Variants in UGGT2 observed in about 807,000 individuals in gnomAD.
The protein encoded by UGGT2 is UDP-glucose:glycoprotein glucosyltransferase 2.
A neutral mutation model predicts 192.1 loss-of-function variants in UGGT2; 180 were observed. The observed-to-expected ratio is 0.94, with a 90% CI of 0.83 to 1.06. UGGT2 has a LOEUF of 1.06. UGGT2 is among the 50% of genes least tolerant of loss of function. The pLI is 0.00. For synonymous variants in UGGT2, 580 were observed against 591.0 expected, an observed-to-expected ratio of 0.98 and a Z score of 0.27; for missense variants, 1,849 against 1,795.7, an observed-to-expected ratio of 1.03 and a Z score of -0.54.
At chr13:95,955,200 T>C (rs2050177448) in intron 12 of UGGT2, among the ~76,000 whole-genome samples, 1 of 152,256 alleles carries the variant, frequency 6.6e-6, no homozygotes, top group South Asian at 2.1e-4. Flanking sequence ...TTCCTATTTT[T>C]AATTATGAAT....
intron 3 of UGGT2, 104 bp downstream of exon 3, chr13:96,023,525 T>G (rs1057408495): frequency 4.5e-5 from 57 of 1,255,046 alleles, no homozygotes; most frequent in Non-Finnish European, 5.6e-5. Context: ...GAACCAACTA[T>G]AAACTTGTAG....
At chr13:96,022,985 A>G in intron 4 of UGGT2, 55 bp downstream of exon 4, 1 of 1,296,168 alleles carries the variant, frequency 7.7e-7, no homozygotes, top group Non-Finnish European at 1.0e-6. Flanking sequence ...AGTTTCTGCT[A>G]TTGAACTCTC....
At chr13:95,953,056 T>A (rs929819694) in intron 12 of UGGT2, among the ~76,000 whole-genome samples, 11 of 152,216 alleles carry the variant, frequency 7.2e-5, no homozygotes, top group African/African-American at 2.7e-4. Flanking sequence ...ATTCTTAACA[T>A]TACTTTGGGC....
intron 1 of UGGT2, among the ~76,000 whole-genome samples, chr13:96,049,971 A>G (rs184050926): frequency 6.6e-6 from 1 of 152,340 alleles, no homozygotes; most frequent in Non-Finnish European, 1.5e-5. Context: ...CAAAATTGGA[A>G]AAAACTACTT....
intron 27 of UGGT2, 101 bp downstream of exon 27, chr13:95,884,390 G>A: frequency 1.1e-6 from 1 of 927,626 alleles, no homozygotes; most frequent in African/African-American, 1.7e-5. Context: ...GAATATTCTG[G>A]TAAACATTCA....
intron 14 of UGGT2, among the ~76,000 whole-genome samples, 190 bp from the exon 15 acceptor site, chr13:95,947,362 A>G (rs1365689704): frequency 6.6e-6 from 1 of 152,144 alleles, no homozygotes; most frequent in Non-Finnish European, 1.5e-5. Context: ...TAGCTACTGG[A>G]TTCCTATAAA....
At chr13:95,940,210 C>T in intron 15 of UGGT2, 119 bp from the exon 16 acceptor site, 1 of 564,464 alleles carries the variant, frequency 1.8e-6, no homozygotes, top group Non-Finnish European at 2.7e-6. Context: ...ACTACACATA[C>T]ACACATACCA....
chr13:96,013,601 A>C (rs879157722), intron 4 of UGGT2, 120 bp from the exon 5 acceptor site: 1 of 684,574 alleles, frequency 1.5e-6, no homozygotes, highest in African/African-American at 1.9e-5. Context: ...AAAGAATTTA[A>C]ATTTCCTGTG....
At chr13:95,908,408 A>T (rs1239990832) in intron 20 of UGGT2, among the ~76,000 whole-genome samples, 1 of 152,132 alleles carries the variant, frequency 6.6e-6, no homozygotes, top group Non-Finnish European at 1.5e-5. Flanking sequence ...ACATCACAAA[A>T]ATACTCCTCA....
At chr13:95,924,393 C>CTATTTTTTTTTTTTTTTTTTTTTTT (rs2048948194) in intron 20 of UGGT2, among the ~76,000 whole-genome samples, 1 of 63,320 alleles carries the variant, frequency 1.6e-5, no homozygotes, top group Non-Finnish European at 3.2e-5. Flanking sequence ...TCCCAAACAG[C>CTATTTTTTTTTTTTTTTTTTTTTTT]TTTTTTTTTT....
chr13:95,972,397 C>T (rs1466356779), intron 11 of UGGT2, among the ~76,000 whole-genome samples, 183 bp downstream of exon 11: 2 of 152,164 alleles, frequency 1.3e-5, no homozygotes, highest in East Asian at 3.9e-4. Flanking sequence ...ACTGTTTCTC[C>T]CAGTTCTGAT....
chr13:95,920,597 C>T (rs2048814900), intron 20 of UGGT2, among the ~76,000 whole-genome samples: 1 of 152,196 alleles, frequency 6.6e-6, no homozygotes, highest in South Asian at 2.1e-4. Flanking sequence ...AAAAGCTCCA[C>T]ATCACTGATC....
At chr13:95,926,568 C>T (rs554376643) in intron 19 of UGGT2, among the ~76,000 whole-genome samples, 11 of 152,292 alleles carry the variant, frequency 7.2e-5, no homozygotes, top group African/African-American at 1.7e-4. Flanking sequence ...AACAAATCTA[C>T]GGTCCCACTG....
chr13:95,870,296 T>TTTG (rs925268005), intron 29 of UGGT2, among the ~76,000 whole-genome samples: 52 of 152,266 alleles, frequency 3.4e-4, no homozygotes, highest in African/African-American at 1.1e-3. Flanking sequence ...TACACCCATT[T>TTTG]TTGTTGTTGT....
At chr13:96,034,897 A>C (rs1038639341) in intron 1 of UGGT2, among the ~76,000 whole-genome samples, 3 of 152,246 alleles carry the variant, frequency 2.0e-5, no homozygotes, top group Non-Finnish European at 4.4e-5. Flanking sequence ...GATCCAGGCC[A>C]GTAACACAAG....
chr13:95,832,523 T>C (rs1158563262), intron 38 of UGGT2, among the ~76,000 whole-genome samples: 1 of 152,186 alleles, frequency 6.6e-6, no homozygotes. Flanking sequence ...TATATGAGAT[T>C]AATTTTGGAG....
chr13:95,907,113 GCCCGACACGGCAGGT>G (rs1400834192), intron 20 of UGGT2, among the ~76,000 whole-genome samples: 1 of 152,214 alleles, frequency 6.6e-6, no homozygotes, highest in Non-Finnish European at 1.5e-5. Context: ...TCTCTCCCGT[GCCCGACACGGCAGGT>G]CCCACACCCA....
intron 17 of UGGT2, among the ~76,000 whole-genome samples, chr13:95,932,311 T>TGTGTGTGTG (rs2049311268): frequency 2.0e-4 from 28 of 139,508 alleles, no homozygotes; most frequent in African/African-American, 6.8e-4. Flanking sequence ...GGTATTTTAT[T>TGTGTGTGTG]TGTGTGTGTG....
At chr13:95,976,988 G>C (rs1453411343) in intron 10 of UGGT2, among the ~76,000 whole-genome samples, 1 of 152,114 alleles carries the variant, frequency 6.6e-6, no homozygotes, top group African/African-American at 2.4e-5. Flanking sequence ...AGGAAAACTG[G>C]CTAGCCATAT....
Sources: allele counts gnomAD v4.1 joint callset (sites outside exome capture counted in the v4.1 genomes callset), GRCh38; gene constraint gnomAD v4.1.1; transcripts MANE v1.5; gene names NCBI Gene and HGNC (gene_info 2026-07-23, HGNC 2026-07-21).